Variants in ELP3 observed in about 807,000 individuals in gnomAD.
The protein encoded by ELP3 is elongator acetyltransferase complex subunit 3, also known as elongator complex protein 3.
ELP3 carries 56 observed loss-of-function variants against 74.9 expected under a neutral mutation model. The ratio of observed to expected loss-of-function variants is 0.75; its 90% confidence interval spans 0.60 to 0.93. ELP3 has a LOEUF of 0.93. Among genes scored for constraint, ELP3 ranks in the 40% least tolerant of loss-of-function variants. The pLI is 0.00. For synonymous variants in ELP3, 222 were observed against 239.8 expected (o/e 0.93, Z 0.68); for missense variants, 573 against 686.5 (o/e 0.83, Z 1.85).
intron 11 of ELP3, among the ~76,000 whole-genome samples, chr8:28,156,982 G>T (rs1250426232): frequency 1.3e-5 from 2 of 152,158 alleles, no homozygotes; most frequent in Non-Finnish European, 1.5e-5. Flanking sequence ...AAACAAGATT[G>T]TGTGCCTGCT....
intron 14 of ELP3, among the ~76,000 whole-genome samples, chr8:28,163,995 C>T (rs889282252): frequency 7.9e-5 from 12 of 152,302 alleles, no homozygotes; most frequent in African/African-American, 2.9e-4. Context: ...ACTGAGATAA[C>T]GACAACGCTC....
Position 28,132,627 on chromosome 8 carries a change from GT to G in ELP3, c.906+229del, listed in dbSNP as rs1046177385. Among the ~76,000 whole-genome samples, 10 of 152,098 alleles carry G rather than the reference GT, an allele frequency of 6.6e-5. No homozygotes were observed. The East Asian group carries it at 1.7e-3, about 26-fold the overall frequency. Reference sequence around the variant, plus strand: ...CTTTCCAAGATTTTTCTATGCATAGGTTTTTTGGGGGGTGAGGTTGTTTATG... The same window carrying G: ...CTTTCCAAGATTTTTCTATGCATAGGTTTTTGGGGGGTGAGGTTGTTTATG... On this transcript the variant is annotated intron_variant, in intron 9 of 14. Transcript: ENST00000256398.
rs139206804 is a variant in ELP3, at chr8:28,182,476, G to A, written c.1568-7173G>A. Among the ~76,000 whole-genome samples, 239 of 152,282 alleles carry A rather than the reference G, an allele frequency of 1.6e-3. 1 individual carries two copies. The highest frequency in any genetic ancestry group is 5.4e-3 in the African/African-American group (225 of 41,538). ...CTCTGGAGGCTGAGGCAGGAGAATC[G>A]TTTGAAGCTGGGCGGCAGAGGTTGC... On this transcript the variant is annotated intron_variant, in intron 14 of 14. Coordinates refer to ENST00000256398, the MANE Select transcript of ELP3 (RefSeq NM_018091.6).
At chr8:28,096,746 G>A (rs1260906114) in intron 1 of ELP3, among the ~76,000 whole-genome samples, 1 of 152,206 alleles carries the variant, frequency 6.6e-6, no homozygotes, top group African/African-American at 2.4e-5. Context: ...CTCCTTGATA[G>A]CATCTTCATG....
At chr8:28,176,005 C>T (rs189480239) in intron 14 of ELP3, among the ~76,000 whole-genome samples, 3 of 151,768 alleles carry the variant, frequency 2.0e-5, no homozygotes, top group South Asian at 2.1e-4. Context: ...TTATTAGAGA[C>T]GGGGTTTCAC....
chr8:28,142,468 C>T (rs983275497), intron 10 of ELP3, among the ~76,000 whole-genome samples: 5 of 152,128 alleles, frequency 3.3e-5, no homozygotes, highest in African/African-American at 7.2e-5. Flanking sequence ...CTTAAGATTT[C>T]GAAGTGACAC....
At chr8:28,124,359 T>C (rs973691396) in intron 7 of ELP3, among the ~76,000 whole-genome samples, 8 of 152,128 alleles carry the variant, frequency 5.3e-5, no homozygotes, top group South Asian at 4.2e-4. Context: ...AATCCACTTA[T>C]TTTGTGTGTG....
chr8:28,127,135 A>G (rs1283843819), intron 7 of ELP3, among the ~76,000 whole-genome samples: 5 of 152,238 alleles, frequency 3.3e-5, no homozygotes, highest in Non-Finnish European at 5.9e-5. Context: ...ATTTGAGAAT[A>G]AGGTTTCCTT....
chr8:28,142,591 G>T (rs554569597), intron 10 of ELP3, among the ~76,000 whole-genome samples: 3 of 152,170 alleles, frequency 2.0e-5, no homozygotes, highest in Non-Finnish European at 4.4e-5. Flanking sequence ...CGATGAGTCT[G>T]AGGACAGTTT....
chr8:28,107,873 T>C (rs1811758366), intron 4 of ELP3, 40 bp from the exon 5 acceptor site: 1 of 1,571,352 alleles, frequency 6.4e-7, no homozygotes, highest in Non-Finnish European at 8.8e-7. Flanking sequence ...TTGAACTCAG[T>C]TTTGCATCTG....
rs144269391 is a variant in ELP3 at position 28,136,378 on chromosome 8, C to G, written c.907-1320C>G. ...CATTCTTTCCAAAGGAATGTATCAG[C>G]CTGTATGTCTCCGAAACTTATTATA... On this transcript the variant is annotated intron_variant, in intron 9 of 14. Transcript: ENST00000256398. Among the ~76,000 whole-genome samples the G allele has an allele frequency of 2.4e-3, 367 of 152,288 alleles. 1 individual carries two copies. The highest frequency in any genetic ancestry group is 8.4e-3 in the African/African-American group (351 of 41,554).
chr8:28,160,991 G>C (rs1455411435), intron 13 of ELP3, among the ~76,000 whole-genome samples: 2 of 152,158 alleles, frequency 1.3e-5, no homozygotes, highest in African/African-American at 2.4e-5. Flanking sequence ...TACTGTGCCT[G>C]GCCTGCAGTT....
At chr8:28,109,411 A>T (rs1338730895) in intron 5 of ELP3, among the ~76,000 whole-genome samples, 1 of 152,088 alleles carries the variant, frequency 6.6e-6, no homozygotes, top group Non-Finnish European at 1.5e-5. Flanking sequence ...GCTTCCTCTC[A>T]TTCCTATCCC....
chr8:28,104,799 C>A (rs1220553911), intron 3 of ELP3, among the ~76,000 whole-genome samples: 1 of 152,212 alleles, frequency 6.6e-6, no homozygotes, highest in Non-Finnish European at 1.5e-5. Context: ...ACCAGACTTA[C>A]CCTCTGTCAA....
intron 14 of ELP3, among the ~76,000 whole-genome samples, chr8:28,177,301 T>C (rs1385808873): frequency 6.6e-6 from 1 of 152,224 alleles, no homozygotes; most frequent in Non-Finnish European, 1.5e-5. Context: ...TTTTCAAACA[T>C]TCAGGATAGA....
At chr8:28,169,993 T>C in intron 14 of ELP3, among the ~76,000 whole-genome samples, 1 of 152,150 alleles carries the variant, frequency 6.6e-6, no homozygotes, top group East Asian at 1.9e-4. Flanking sequence ...TCATTCAAGA[T>C]GGCAGCCATA....
intron 3 of ELP3, among the ~76,000 whole-genome samples, chr8:28,101,753 C>A (rs1188472321): frequency 6.6e-6 from 1 of 152,116 alleles, no homozygotes; most frequent in East Asian, 1.9e-4. Flanking sequence ...CAATGCCCAG[C>A]TAATTTTTGT....
intron 10 of ELP3, among the ~76,000 whole-genome samples, chr8:28,142,657 A>G (rs958938798): frequency 6.6e-6 from 1 of 152,202 alleles, no homozygotes; most frequent in Non-Finnish European, 1.5e-5. Flanking sequence ...ATTGGTGAAG[A>G]GAGTCATCCA....
chr8:28,185,246 A>G (rs1445100194), intron 14 of ELP3, among the ~76,000 whole-genome samples: 13 of 152,224 alleles, frequency 8.5e-5, no homozygotes, highest in Non-Finnish European at 1.9e-4. Flanking sequence ...TCAGCTAACA[A>G]GGTAGGAAAT....
Sources: allele counts gnomAD v4.1 joint callset (sites outside exome capture counted in the v4.1 genomes callset), GRCh38; gene constraint gnomAD v4.1.1; transcripts MANE v1.5; gene names NCBI Gene and HGNC (gene_info 2026-07-23, HGNC 2026-07-21).